Variants in TMPRSS13 observed in about 807,000 individuals in gnomAD.
TMPRSS13 encodes transmembrane protease serine 13.
A neutral mutation model predicts 68.4 loss-of-function variants in TMPRSS13; 50 were observed. The ratio of observed to expected loss-of-function variants is 0.73; its 90% CI spans 0.58 to 0.93. The LOEUF (loss-of-function observed/expected upper bound fraction) is 0.93. Among genes scored for constraint, TMPRSS13 ranks in the 40% least tolerant of loss-of-function variants. TMPRSS13 has a pLI of 0.00. For missense variants in TMPRSS13, 615 were observed against 729.2 expected, an observed-to-expected ratio of 0.84 and a Z score of 1.80; for synonymous variants, 267 against 285.8, an observed-to-expected ratio of 0.93 and a Z score of 0.66.
At chr11:117,911,906 G>A (rs1175795247) in intron 5 of TMPRSS13, 46 bp from the exon 6 acceptor site, 2 of 1,509,296 alleles carry the variant, frequency 1.3e-6, no homozygotes, top group South Asian at 2.3e-5. Flanking sequence ...TGGAGACAGA[G>A]TCATCCCAAG....
chr11:117,905,622 C>T lies in TMPRSS13; in HGVS notation c.1381+16G>A. On this transcript the variant is annotated intron_variant, in intron 10 of 12. Coordinates refer to ENST00000524993, the MANE Select transcript of TMPRSS13 (RefSeq NM_001077263.3). ...ACATGAATACATACACACAACCAAG[C>T]ATCTTTGCCTCTTACCATCTGTCTC... is the stretch of plus-strand genomic sequence containing the variant. The T allele has an allele frequency of 1.3e-6, 2 of 1,580,192 alleles. No individual in the cohort carries two copies. Among genetic ancestry groups the T allele is most frequent in the Non-Finnish European group, 1.7e-6 (2 of 1,158,598 alleles).
At chr11:117,924,354 C>T (rs1201964901) in intron 1 of TMPRSS13, among the ~76,000 whole-genome samples, 2 of 152,074 alleles carry the variant, frequency 1.3e-5, no homozygotes, top group Non-Finnish European at 1.5e-5. Context: ...ACACAACACT[C>T]TGCTCTTCCC....
intron 6 of TMPRSS13, among the ~76,000 whole-genome samples, chr11:117,911,112 C>G (rs1355371459): frequency 6.6e-6 from 1 of 152,222 alleles, no homozygotes; most frequent in Non-Finnish European, 1.5e-5. Flanking sequence ...TTCCTCAACG[C>G]AGATGCAGAA....
At chr11:117,913,181 C>T (rs886256589) in intron 5 of TMPRSS13, among the ~76,000 whole-genome samples, 13 of 152,192 alleles carry the variant, frequency 8.5e-5, no homozygotes, top group African/African-American at 2.4e-4. Context: ...GATGGAGATG[C>T]GTGTCTGGGC....
chr11:117,911,950 C>A, intron 5 of TMPRSS13, 90 bp from the exon 6 acceptor site: 1 of 1,013,732 alleles, frequency 9.9e-7, no homozygotes, highest in Non-Finnish European at 1.5e-6. Flanking sequence ...CCAGCCCTGC[C>A]GACAGAGGCC....
Position 117,902,122 on chromosome 11 carries a change from A to C in TMPRSS13, c.*117T>G. Reference sequence around the variant, plus strand: ...CACACACAGAGGCAGCAGACAGTGGAGGTGGGAGTCCGATGGTGCCCGGTG... The same window carrying C: ...CACACACAGAGGCAGCAGACAGTGGCGGTGGGAGTCCGATGGTGCCCGGTG... On this transcript the variant is annotated 3_prime_UTR_variant, in exon 13 of 13. Coordinates refer to ENST00000524993, the MANE Select transcript of TMPRSS13 (RefSeq NM_001077263.3). 9.6e-7 allele frequency: 1 copy of C among 1,040,274 alleles called. No homozygotes were observed. Among genetic ancestry groups the C allele is most frequent in the Non-Finnish European group, 1.5e-6 (1 of 687,036 alleles). 64.4% of individuals were successfully genotyped at this position (1,040,274 alleles called of 1,614,324 possible). A position where few individuals can be genotyped will look rare whatever the true frequency, so the allele number is the denominator to read the frequency against.
At chr11:117,923,371 C>A (rs572990385) in intron 1 of TMPRSS13, among the ~76,000 whole-genome samples, 47 of 152,096 alleles carry the variant, frequency 3.1e-4, no homozygotes, top group Admixed American at 2.1e-3. Flanking sequence ...TAGCCAGCCC[C>A]TGAGTATGTC....
intron 8 of TMPRSS13, 83 bp downstream of exon 8, chr11:117,909,723 C>T (rs1017935894): frequency 9.5e-5 from 142 of 1,490,554 alleles, no homozygotes; most frequent in Middle Eastern, 2.3e-4. Context: ...TCCTCCTCCA[C>T]GAAGAAGTCA....
At chr11:117,904,860 A>AC (rs2057447142) in intron 10 of TMPRSS13, among the ~76,000 whole-genome samples, 2 of 92,434 alleles carry the variant, frequency 2.2e-5, no homozygotes, top group Admixed American at 1.2e-4. Context: ...CCTAGATAAG[A>AC]TTATATATAT....
chr11:117,913,997 G>C, intron 4 of TMPRSS13, 91 bp from the exon 5 acceptor site: 16 of 1,481,608 alleles, frequency 1.1e-5, no homozygotes, highest in Non-Finnish European at 1.5e-5. Flanking sequence ...TTGAGAAAGC[G>C]CTTGTCCTGA....
Position 117,902,116 on chromosome 11 carries a change from C to A in TMPRSS13, c.*123G>T. The A allele has an allele frequency of 1.0e-6, 1 of 1,004,578 alleles. No individual in the cohort carries two copies. The highest frequency in any genetic ancestry group is 1.5e-6 in the Non-Finnish European group (1 of 657,144). The allele number at this position is 1,004,578 out of a possible 1,614,324, so 62.2% of individuals were successfully genotyped here. On this transcript the variant is annotated 3_prime_UTR_variant, in exon 13 of 13. Transcript: ENST00000524993. Reference sequence around the variant, plus strand: ...CACACACACACACAGAGGCAGCAGACAGTGGAGGTGGGAGTCCGATGGTGC... The same window carrying A: ...CACACACACACACAGAGGCAGCAGAAAGTGGAGGTGGGAGTCCGATGGTGC...
chr11:117,928,064 C>A (rs145729407), intron 1 of TMPRSS13, among the ~76,000 whole-genome samples: 1 of 152,200 alleles, frequency 6.6e-6, no homozygotes, highest in Non-Finnish European at 1.5e-5. Context: ...GGCCACCCTC[C>A]GGATAGCTCA....
In TMPRSS13 at chr11:117,909,786, C is replaced by T. The variant is rs2057501929; in HGVS notation, c.1109+20G>A. 6.3e-7 allele frequency: 1 copy of T among 1,599,922 alleles called. No individual in the cohort carries two copies. The highest frequency in any genetic ancestry group is 8.5e-7 in the Non-Finnish European group (1 of 1,173,254). ...CCCGACCCTGGGCAGTGTCAAATCA[C>T]CTGCCTCTCAGGCACTTACACGAAG... On this transcript the variant is annotated intron_variant, in intron 8 of 12. Transcript: ENST00000524993.
chr11:117,924,964 G>T (rs11216631), intron 1 of TMPRSS13, among the ~76,000 whole-genome samples: 14,916 of 152,196 alleles, frequency 0.098, 778 homozygotes, highest in South Asian at 0.15. Flanking sequence ...TCGCCCTGGG[G>T]GTGGGGGGCA....
At chr11:117,904,238 G>A in intron 10 of TMPRSS13, 137 bp from the exon 11 acceptor site, 3 of 1,232,244 alleles carry the variant, frequency 2.4e-6, no homozygotes, top group Non-Finnish European at 3.3e-6. Context: ...CCCGTGCCTG[G>A]CTCCCACCCA....
chr11:117,910,523 G>A (rs1487753248), intron 7 of TMPRSS13, 184 bp downstream of exon 7: 3 of 549,010 alleles, frequency 5.5e-6, no homozygotes, highest in Non-Finnish European at 6.4e-6. Context: ...TCAGGAGAAG[G>A]GGAAATGTTA....
rs1446338543 is a variant in TMPRSS13 at position 117,908,616 on chromosome 11, C to G, written c.1278G>C (p.Leu426=). The change falls in exon 9 of 13, where the codon CTG becomes CTC. Residue 426 remains leucine (L), a synonymous_variant. Coordinates refer to ENST00000524993, the MANE Select transcript of TMPRSS13 (RefSeq NM_001077263.3). ...ALMRLSKPLT[L]SAHIHPACLP... ...GGGGAGTGCAGATTCCCTCACCGGA[C>G]AGGGTCAGGGGCTTGGACAGCCGCA... The G allele has an allele frequency of 6.4e-7, 1 of 1,561,312 alleles. No homozygotes were observed.
chr11:117,909,805 C>T lies in TMPRSS13; in HGVS notation c.1109+1G>A, dbSNP rs1489745976. ...AAATCACCTGCCTCTCAGGCACTTA[C>T]ACGAAGAAGCAGTGGGCGGCAGTGA... On this transcript the variant is annotated splice_donor_variant, in intron 8 of 12. Transcript: ENST00000524993. LOFTEE classifies it high-confidence loss of function. 6.2e-7 allele frequency: 1 copy of T among 1,608,674 alleles called. No homozygotes were observed.
At chr11:117,911,616 G>T in intron 6 of TMPRSS13, 152 bp downstream of exon 6, 1 of 619,750 alleles carries the variant, frequency 1.6e-6, no homozygotes, top group Non-Finnish European at 2.8e-6. Context: ...GGTGAATAAG[G>T]ACTATTTCCA....
Sources: gnomAD v4.1 joint callset for allele counts (sites outside exome capture counted in the v4.1 genomes callset) on GRCh38, gnomAD v4.1.1 for gene constraint, MANE v1.5 for transcripts, NCBI Gene and HGNC (gene_info 2026-07-23, HGNC 2026-07-21) for gene names.